GSE1: variants seen among roughly 807,000 people sequenced by gnomAD.
The protein encoded by GSE1 is Gse1 coiled-coil protein, also known as genetic suppressor element 1.
GSE1 carries 32 observed loss-of-function variants against 112.6 expected under a neutral mutation model. The observed-to-expected ratio is 0.28, with a 90% CI of 0.21 to 0.38. GSE1 has a LOEUF of 0.38. GSE1 is among the 10% of genes least tolerant of loss of function. The pLI, the probability that GSE1 is intolerant of heterozygous loss-of-function variation, is 1.00. For missense variants in GSE1, 2,348 were observed against 1,699.2 expected (o/e 1.38, Z -6.71); for synonymous variants, 1,115 against 735.6 (o/e 1.52, Z -8.35).
At position 85,170,644 on chromosome 16, in the gene GSE1, G is replaced by T. The variant is rs562314575; in HGVS notation, c.1120G>T (p.Ala374Ser). 11 of 985,532 alleles carry T rather than the reference G, an allele frequency of 1.1e-5. No individual in the cohort carries two copies. The South Asian group carries it at 4.7e-4, about 42-fold the overall frequency. 61.0% of individuals were successfully genotyped at this position (985,532 alleles called of 1,614,324 possible). A position where few individuals can be genotyped will look rare whatever the true frequency, so the allele number is the denominator to read the frequency against. The change falls in exon 1 of 3, where the codon GCC becomes TCC. Residue 374 changes from alanine (A) to serine (S), a missense_variant. Coordinates refer to the GSE1 transcript ENST00000637419. ...AGGCCTTTGCTGCTACATCTGCGGG[G>T]CCCCGCTGTCCCCGGCCTCGCACCA...
intron 3 of GSE1, among the ~76,000 whole-genome samples, chr16:85,652,014 A>T (rs1220647060): frequency 6.6e-6 from 1 of 152,128 alleles, no homozygotes; most frequent in African/African-American, 2.4e-5. Context: ...GTGAGGCAGG[A>T]TCTAGAAGCC....
At chr16:85,317,230 G>A (rs754701750) in intron 1 of GSE1, among the ~76,000 whole-genome samples, 12 of 152,166 alleles carry the variant, frequency 7.9e-5, no homozygotes, top group East Asian at 1.9e-4. Flanking sequence ...GGGTGTGGAC[G>A]GGACTAACAC....
At chr16:85,551,529 C>T (rs1039715116), upstream of GSE1, among the ~76,000 whole-genome samples, 11 of 152,362 alleles carry the variant, frequency 7.2e-5, no homozygotes, top group East Asian at 5.8e-4. Flanking sequence ...GGCAAACAAC[C>T]GGGCCGTTCA....
At chr16:85,554,033 G>A (rs1465152092), upstream of GSE1, among the ~76,000 whole-genome samples, 1 of 152,182 alleles carries the variant, frequency 6.6e-6, no homozygotes. Context: ...GGGGTCAAAA[G>A]GTGACCCCTT....
At chr16:85,354,483 C>T (rs977942871) in intron 1 of GSE1, among the ~76,000 whole-genome samples, 1 of 152,240 alleles carries the variant, frequency 6.6e-6, no homozygotes, top group Non-Finnish European at 1.5e-5. Context: ...TGAGCCTCAC[C>T]ACAGCCGTGT....
intron 2 of GSE1, among the ~76,000 whole-genome samples, chr16:85,514,159 G>C (rs2151937786): frequency 6.7e-6 from 1 of 148,358 alleles, no homozygotes; most frequent in South Asian, 2.1e-4. Context: ...CTCTTCCCCT[G>C]CTCTCTTTCT....
chr16:85,217,680 C>T (rs1258202684), intron 1 of GSE1, among the ~76,000 whole-genome samples: 1 of 152,178 alleles, frequency 6.6e-6, no homozygotes, highest in Non-Finnish European at 1.5e-5. Context: ...TCAGTGAAGG[C>T]CAGCAAGCAG....
At chr16:85,243,566 A>G (rs1439069354) in intron 1 of GSE1, among the ~76,000 whole-genome samples, 1 of 152,220 alleles carries the variant, frequency 6.6e-6, no homozygotes, top group Non-Finnish European at 1.5e-5. Context: ...AATAAACCAC[A>G]GGAGCCAAGT....
chr16:85,323,176 C>A (rs1269604548), intron 1 of GSE1, among the ~76,000 whole-genome samples: 1 of 152,136 alleles, frequency 6.6e-6, no homozygotes, highest in African/African-American at 2.4e-5. Context: ...GGGCCTGGAA[C>A]TTGAAGGGCT....
chr16:85,452,503 T>C (rs924056940), intron 2 of GSE1, among the ~76,000 whole-genome samples: 1 of 152,210 alleles, frequency 6.6e-6, no homozygotes, highest in Non-Finnish European at 1.5e-5. Context: ...GCCACTGGGA[T>C]TTTTCAAAGC....
At chr16:85,516,309 A>G (rs931267855) in intron 2 of GSE1, among the ~76,000 whole-genome samples, 2 of 151,688 alleles carry the variant, frequency 1.3e-5, no homozygotes, top group Admixed American at 1.3e-4. Context: ...TGACTGGGAG[A>G]CAGAGCCGGC....
intron 2 of GSE1, among the ~76,000 whole-genome samples, chr16:85,478,586 T>C (rs906089455): frequency 8.6e-5 from 13 of 152,038 alleles, no homozygotes; most frequent in Non-Finnish European, 1.8e-4. Context: ...CATTCTTCAG[T>C]TGGTGGCCAT....
chr16:85,246,509 C>CCCT (rs1555546534), intron 1 of GSE1, among the ~76,000 whole-genome samples: 2 of 102,148 alleles, frequency 2.0e-5, no homozygotes, highest in African/African-American at 6.5e-5. Context: ...CACCCCCCCC[C>CCCT]CCCCGACGCT....
intron 1 of GSE1, among the ~76,000 whole-genome samples, chr16:85,195,512 G>A (rs1239151218): frequency 6.6e-6 from 1 of 152,190 alleles, no homozygotes; most frequent in Non-Finnish European, 1.5e-5. Flanking sequence ...CTTGGATGCA[G>A]CTCTCTGGAT....
chr16:85,575,299 A>G (rs917179040), intron 1 of GSE1, among the ~76,000 whole-genome samples: 3 of 152,214 alleles, frequency 2.0e-5, no homozygotes, highest in African/African-American at 4.8e-5. Context: ...GAGGCACTCC[A>G]GGATTTGTGT....
chr16:85,204,482 G>C (rs1388598746), intron 1 of GSE1, among the ~76,000 whole-genome samples: 1 of 152,228 alleles, frequency 6.6e-6, no homozygotes, highest in East Asian at 1.9e-4. Flanking sequence ...CCTAGGAGCA[G>C]AAATGCTGGG....
intron 1 of GSE1, among the ~76,000 whole-genome samples, chr16:85,329,860 G>C (rs1385207339): frequency 6.7e-6 from 1 of 149,510 alleles, no homozygotes; most frequent in African/African-American, 2.5e-5. Context: ...GGAGGGCGGA[G>C]GGCAGGAGGG....
At chr16:85,604,594 C>A (rs2047602087) in intron 1 of GSE1, among the ~76,000 whole-genome samples, 3 of 149,182 alleles carry the variant, frequency 2.0e-5, no homozygotes, top group African/African-American at 7.4e-5. Context: ...TATCTCTTCC[C>A]CCCGTTGATG....
chr16:85,362,831 C>CTTTTTTTTTTT (rs67922655), intron 2 of GSE1, among the ~76,000 whole-genome samples: 1 of 103,480 alleles, frequency 9.7e-6, no homozygotes, highest in South Asian at 3.4e-4. Context: ...TTATTGATAT[C>CTTTTTTTTTTT]TTTTTTTTTT....
Sources: allele counts gnomAD v4.1 joint callset (sites outside exome capture counted in the v4.1 genomes callset), GRCh38; gene constraint gnomAD v4.1.1; transcripts MANE v1.5; gene names NCBI Gene and HGNC (gene_info 2026-07-23, HGNC 2026-07-21).